Variants in P4HA1 observed in about 807,000 individuals in gnomAD.
The protein encoded by P4HA1 is prolyl 4-hydroxylase subunit alpha-1.
In P4HA1, 24 loss-of-function variants were observed where a neutral mutation model predicts 72.8. The ratio of observed to expected loss-of-function variants is 0.33; its 90% CI spans 0.24 to 0.46. The LOEUF (loss-of-function observed/expected upper bound fraction) is 0.46, where lower values mean the gene tolerates loss of function less well. Among genes scored for constraint, P4HA1 ranks in the 20% least tolerant of loss-of-function variants. P4HA1 has a pLI of 1.00. For synonymous variants in P4HA1, 201 were observed against 218.8 expected (o/e 0.92, Z 0.72); for missense variants, 446 against 640.6 (o/e 0.70, Z 3.28).
intron 13 of P4HA1, 47 bp from the exon 14 acceptor site, chr10:73,009,950 A>G: frequency 9.5e-7 from 1 of 1,050,888 alleles, no homozygotes; most frequent in Non-Finnish European, 1.5e-6. Context: ...AATGCCAGGT[A>G]ATTGCTTTCG....
At chr10:73,062,141 A>G (rs1295354440) in intron 5 of P4HA1, among the ~76,000 whole-genome samples, 1 of 152,208 alleles carries the variant, frequency 6.6e-6, no homozygotes, top group Non-Finnish European at 1.5e-5. Flanking sequence ...ACAGAAAGAA[A>G]GGGTGGAAGG....
chr10:73,027,456 G>T (rs1346849383), intron 10 of P4HA1, among the ~76,000 whole-genome samples: 1 of 151,152 alleles, frequency 6.6e-6, no homozygotes, highest in East Asian at 2.0e-4. Flanking sequence ...CGGAGGGTGG[G>T]GGGCTGGGGG....
intron 1 of P4HA1, among the ~76,000 whole-genome samples, chr10:73,081,459 A>G (rs1193491512): frequency 6.6e-6 from 1 of 152,190 alleles, no homozygotes; most frequent in African/African-American, 2.4e-5. Flanking sequence ...TTTTTAAACT[A>G]TAAGAAAAAA....
chr10:73,082,303 T>C (rs767649879), intron 1 of P4HA1, among the ~76,000 whole-genome samples: 53 of 152,176 alleles, frequency 3.5e-4, no homozygotes, highest in Non-Finnish European at 6.6e-4. Flanking sequence ...TTATGAGGAG[T>C]CATTGAATTT....
chr10:73,033,681 A>C (rs1000347442), intron 9 of P4HA1, among the ~76,000 whole-genome samples: 1 of 152,250 alleles, frequency 6.6e-6, no homozygotes, highest in Non-Finnish European at 1.5e-5. Flanking sequence ...ATCTACATGC[A>C]AAGAAAGAAG....
intron 1 of P4HA1, among the ~76,000 whole-genome samples, chr10:73,087,749 C>T (rs1351123689): frequency 1.3e-5 from 2 of 152,142 alleles, no homozygotes; most frequent in Non-Finnish European, 2.9e-5. Context: ...GTCTTGGCCT[C>T]CCAAAGTGCT....
At chr10:73,085,353 T>C (rs576343280) in intron 1 of P4HA1, among the ~76,000 whole-genome samples, 2 of 152,144 alleles carry the variant, frequency 1.3e-5, no homozygotes, top group African/African-American at 4.8e-5. Context: ...TCAGGTTTAG[T>C]ATCCAAATAT....
chr10:73,078,949 C>A (rs970029454), intron 1 of P4HA1, among the ~76,000 whole-genome samples: 2 of 151,864 alleles, frequency 1.3e-5, no homozygotes, highest in Admixed American at 1.3e-4. Flanking sequence ...TTCCAGACCT[C>A]CTATAATATA....
chr10:73,054,814 T>C (rs1841101873), intron 5 of P4HA1, among the ~76,000 whole-genome samples: 1 of 152,228 alleles, frequency 6.6e-6, no homozygotes, highest in Non-Finnish European at 1.5e-5. Flanking sequence ...AGGCATTTCA[T>C]TGTGGTTTTG....
intron 10 of P4HA1, among the ~76,000 whole-genome samples, chr10:73,021,752 C>G (rs762724563): frequency 6.6e-6 from 1 of 152,212 alleles, no homozygotes; most frequent in African/African-American, 2.4e-5. Context: ...GAAGCCATGA[C>G]AGACTGTACC....
intron 5 of P4HA1, among the ~76,000 whole-genome samples, chr10:73,055,379 T>C (rs1435837795): frequency 6.6e-6 from 1 of 152,308 alleles, no homozygotes; most frequent in African/African-American, 2.4e-5. Context: ...AATTTTTGTA[T>C]TTTTAGTCAA....
chr10:73,030,496 C>T, intron 9 of P4HA1, 126 bp from the exon 10 acceptor site: 1 of 424,264 alleles, frequency 2.4e-6, no homozygotes, highest in Non-Finnish European at 4.1e-6. Context: ...GCATTTAGTT[C>T]ATTTTCTTGC....
chr10:73,051,811 T>C (rs1245189617), intron 6 of P4HA1, among the ~76,000 whole-genome samples: 1 of 152,192 alleles, frequency 6.6e-6, no homozygotes, highest in African/African-American at 2.4e-5. Context: ...AGGTGGCAAC[T>C]GGTGCTTTTA....
At chr10:73,044,633 C>T (rs372127313) in intron 9 of P4HA1, among the ~76,000 whole-genome samples, 1 of 152,126 alleles carries the variant, frequency 6.6e-6, no homozygotes, top group East Asian at 1.9e-4. Context: ...CTACTACTCC[C>T]AGATTCAGGA....
chr10:73,071,553 AATTGT>A (rs1251647882), intron 4 of P4HA1, among the ~76,000 whole-genome samples: 3 of 152,068 alleles, frequency 2.0e-5, no homozygotes, highest in African/African-American at 7.2e-5. Context: ...TCCAACTACA[AATTGT>A]ATTGTATCAC....
intron 10 of P4HA1, among the ~76,000 whole-genome samples, chr10:73,023,616 A>G (rs929250215): frequency 1.3e-5 from 2 of 152,192 alleles, no homozygotes; most frequent in Non-Finnish European, 2.9e-5. Context: ...AGCGAACATC[A>G]TAATGACAGG....
intron 4 of P4HA1, among the ~76,000 whole-genome samples, chr10:73,070,140 G>GA (rs1261247554): frequency 7.5e-5 from 9 of 119,792 alleles, no homozygotes; most frequent in East Asian, 6.0e-4. Flanking sequence ...AAGAGACCAG[G>GA]CCTTTTTTTT....
chr10:73,084,424 C>T (rs1700191714), intron 1 of P4HA1, among the ~76,000 whole-genome samples: 2 of 152,148 alleles, frequency 1.3e-5, no homozygotes, highest in Non-Finnish European at 2.9e-5. Flanking sequence ...TCCTGAGTAG[C>T]TTGGACTACA....
At chr10:73,014,200 C>G in intron 12 of P4HA1, 24 bp downstream of exon 12, 1 of 1,525,624 alleles carries the variant, frequency 6.6e-7, no homozygotes, top group Admixed American at 1.7e-5. Context: ...CCAACTTAAT[C>G]TAAAAATTTT....
Sources: gnomAD v4.1 joint callset for allele counts (sites outside exome capture counted in the v4.1 genomes callset) on GRCh38, gnomAD v4.1.1 for gene constraint, MANE v1.5 for transcripts, NCBI Gene and HGNC (gene_info 2026-07-23, HGNC 2026-07-21) for gene names.